Variants in B3GALT1 observed in about 807,000 individuals in gnomAD.
B3GALT1 encodes UDP-Gal:betaGlcNAc beta 1,3-galactosyltransferase, polypeptide 1.
Under a neutral mutation model 23.2 loss-of-function variants are expected in B3GALT1, and 10 were observed. The observed-to-expected ratio is 0.43, with a 90% CI of 0.27 to 0.73. The LOEUF (loss-of-function observed/expected upper bound fraction) is 0.73. B3GALT1 is among the 30% of genes least tolerant of loss of function. The pLI, the probability that B3GALT1 is intolerant of heterozygous loss-of-function variation, is 0.21. For missense variants in B3GALT1, 299 were observed against 405.4 expected (o/e 0.74, Z 2.25); for synonymous variants, 156 against 141.5 (o/e 1.10, Z -0.73).
intron 2 of B3GALT1, among the ~76,000 whole-genome samples, chr2:167,508,937 AT>A (rs1461927605): frequency 6.6e-6 from 1 of 152,096 alleles, no homozygotes. Context: ...TAATATGTTT[AT>A]TTTTTTCCTT....
intron 1 of B3GALT1, among the ~76,000 whole-genome samples, chr2:167,390,556 C>T (rs554913245): frequency 2.6e-5 from 4 of 152,194 alleles, no homozygotes; most frequent in Non-Finnish European, 5.9e-5. Context: ...TTCTCTTTAT[C>T]TCCATGTTTT....
chr2:167,304,735 T>G (rs1218999758), intron 1 of B3GALT1, among the ~76,000 whole-genome samples: 1 of 151,404 alleles, frequency 6.6e-6, no homozygotes, highest in Non-Finnish European at 1.5e-5. Context: ...GAGAGAGAGA[T>G]TCTAAGAATT....
In B3GALT1 at chr2:167,802,589, C is replaced by A. The variant is rs569249274; in HGVS notation, c.-351-16083C>A. Reference sequence around the variant, plus strand: ...CAAATGTTTTACTTTGGGGCTAAGCCTACACATTTCATCTTAATATAACCA... The same window carrying A: ...CAAATGTTTTACTTTGGGGCTAAGCATACACATTTCATCTTAATATAACCA... On this transcript the variant is annotated intron_variant, in intron 3 of 4. Transcript: ENST00000392690. 4.6e-5 allele frequency among the ~76,000 whole-genome samples: 7 copies of A among 152,310 alleles called. No homozygotes were observed. The South Asian group carries it at 8.3e-4, about 18-fold the overall frequency.
intron 3 of B3GALT1, among the ~76,000 whole-genome samples, chr2:167,699,135 G>A (rs55926343): frequency 0.12 from 18,636 of 152,098 alleles, 1,253 homozygotes; most frequent in Middle Eastern, 0.21. Flanking sequence ...GATACCACAG[G>A]ATTACTGTGA....
chr2:167,445,441 A>G (rs1219248686), intron 1 of B3GALT1, among the ~76,000 whole-genome samples: 1 of 152,196 alleles, frequency 6.6e-6, no homozygotes, highest in Non-Finnish European at 1.5e-5. Flanking sequence ...TGTCTCATTG[A>G]TCTGTCTAAT....
At chr2:167,337,765 G>A (rs1697082356) in intron 1 of B3GALT1, among the ~76,000 whole-genome samples, 1 of 152,062 alleles carries the variant, frequency 6.6e-6, no homozygotes, top group Non-Finnish European at 1.5e-5. Context: ...GTATCCAGTG[G>A]CTTTTTAGCA....
chr2:167,469,063 T>TTGTGTATGAAG (rs1699386953), intron 1 of B3GALT1, among the ~76,000 whole-genome samples: 1 of 152,212 alleles, frequency 6.6e-6, no homozygotes, highest in Admixed American at 6.5e-5. Flanking sequence ...AAGGACCTCC[T>TTGTGTATGAAG]GTGACGCTAT....
chr2:167,447,245 G>A (rs143501312), intron 1 of B3GALT1, among the ~76,000 whole-genome samples: 2,653 of 152,232 alleles, frequency 0.017, 84 homozygotes, highest in African/African-American at 0.061. Context: ...AGGGGCACCT[G>A]GCCGTGTGAG....
intron 4 of B3GALT1, among the ~76,000 whole-genome samples, chr2:167,828,732 G>A (rs1185730816): frequency 1.3e-5 from 2 of 152,148 alleles, no homozygotes; most frequent in Non-Finnish European, 2.9e-5. Context: ...TTGCATATAT[G>A]ATCCCATTTG....
chr2:167,561,323 T>C (rs138739633), intron 2 of B3GALT1, among the ~76,000 whole-genome samples: 1,768 of 152,218 alleles, frequency 0.012, 35 homozygotes, highest in African/African-American at 0.041. Flanking sequence ...GACGGAAATT[T>C]ATAGGACTAA....
intron 2 of B3GALT1, among the ~76,000 whole-genome samples, chr2:167,516,936 G>C (rs1043794687): frequency 8.3e-6 from 1 of 121,084 alleles, no homozygotes; most frequent in African/African-American, 3.9e-5. Context: ...TGACATATAA[G>C]TACTTCTGTG....
chr2:167,680,161 A>G (rs1267034564), intron 3 of B3GALT1, among the ~76,000 whole-genome samples: 1 of 152,238 alleles, frequency 6.6e-6, no homozygotes. Flanking sequence ...GATTAGTTCT[A>G]CATAAATATT....
chr2:167,655,448 A>G (rs1456298080), intron 3 of B3GALT1, among the ~76,000 whole-genome samples: 2 of 152,204 alleles, frequency 1.3e-5, no homozygotes, highest in Non-Finnish European at 2.9e-5. Flanking sequence ...TTATCATGCA[A>G]ATTTCAAAAT....
At chr2:167,317,005 A>G (rs116238708) in intron 1 of B3GALT1, among the ~76,000 whole-genome samples, 306 of 152,216 alleles carry the variant, frequency 2.0e-3, no homozygotes, top group African/African-American at 6.8e-3. Context: ...GTTTCTGTCA[A>G]TCTTTTGAGA....
rs562296196 is a variant in B3GALT1, at chr2:167,628,387, C to T, written c.-409-18522C>T. 2.0e-5 allele frequency among the ~76,000 whole-genome samples: 3 copies of T among 150,182 alleles called. No homozygotes were observed. In the South Asian group the frequency reaches 6.2e-4, roughly 31 times the overall value. ...GCATCTACAGTCATTCTTCCTATTT[C>T]GAAACATGGCTTGTAGTACCATTCA... On this transcript the variant is annotated intron_variant, in intron 2 of 4. Transcript: ENST00000392690.
intron 4 of B3GALT1, among the ~76,000 whole-genome samples, chr2:167,826,699 A>G (rs1009698970): frequency 6.6e-6 from 1 of 152,218 alleles, no homozygotes; most frequent in African/African-American, 2.4e-5. Flanking sequence ...TCCACATCTG[A>G]GGCCTCAACC....
chr2:167,319,687 GA>G lies in B3GALT1; in HGVS notation c.-511+26354del, dbSNP rs754539709. On this transcript the variant is annotated intron_variant, in intron 1 of 4. Coordinates refer to ENST00000392690, the MANE Select transcript of B3GALT1 (RefSeq NM_020981.4). ...AGAAGAAACATTTTATTATTTAAAA[GA>G]GGGGCAGAAAAAGATATATATAATG... Among the ~76,000 whole-genome samples the G allele has an allele frequency of 4.6e-5, 7 of 152,024 alleles. No homozygotes were observed. The South Asian group carries it at 1.0e-3, about 23-fold the overall frequency.
At chr2:167,532,337 A>G (rs1435279424) in intron 2 of B3GALT1, among the ~76,000 whole-genome samples, 2 of 152,186 alleles carry the variant, frequency 1.3e-5, no homozygotes, top group Non-Finnish European at 2.9e-5. Flanking sequence ...GAACCACATA[A>G]TGTGTTAGAA....
At chr2:167,795,517 TC>T (rs937133939) in intron 3 of B3GALT1, among the ~76,000 whole-genome samples, 3 of 152,148 alleles carry the variant, frequency 2.0e-5, no homozygotes, top group African/African-American at 7.2e-5. Context: ...TAAAAATAAC[TC>T]CCTCCCCAAA....
Sources: allele counts gnomAD v4.1 joint callset (sites outside exome capture counted in the v4.1 genomes callset), GRCh38; gene constraint gnomAD v4.1.1; transcripts MANE v1.5; gene names NCBI Gene and HGNC (gene_info 2026-07-23, HGNC 2026-07-21).